The following VEPH1 variants were observed in gnomAD, a reference collection of about 807,000 sequenced individuals.
The protein encoded by VEPH1 is ventricular zone expressed PH domain containing 1.
Under a neutral mutation model 85.2 loss-of-function variants are expected in VEPH1, and 80 were observed. The ratio of observed to expected loss-of-function variants is 0.94; its 90% confidence interval spans 0.78 to 1.13. The LOEUF (loss-of-function observed/expected upper bound fraction) is 1.13. VEPH1 is among the 50% of genes most tolerant of loss of function. The pLI is 0.00. For missense variants in VEPH1, 955 were observed against 980.5 expected (o/e 0.97, Z 0.35); for synonymous variants, 297 against 348.0 (o/e 0.85, Z 1.63).
At chr3:157,457,611 A>C (rs1055775153) in intron 4 of VEPH1, among the ~76,000 whole-genome samples, 1 of 152,176 alleles carries the variant, frequency 6.6e-6, no homozygotes, top group African/African-American at 2.4e-5. Context: ...ATTTTATCAA[A>C]AGCCTTATCT....
At chr3:157,281,213 A>G (rs960228163) in intron 12 of VEPH1, among the ~76,000 whole-genome samples, 1 of 152,128 alleles carries the variant, frequency 6.6e-6, no homozygotes, top group African/African-American at 2.4e-5. Flanking sequence ...ACAGAGACAT[A>G]AAATAGGAAG....
intron 12 of VEPH1, 90 bp from the exon 13 acceptor site, chr3:157,265,752 A>C (rs1050373925): frequency 1.5e-5 from 20 of 1,370,394 alleles, no homozygotes; most frequent in African/African-American, 1.2e-4. Flanking sequence ...GTGTACCAGA[A>C]CCCAGTTAGC....
chr3:157,380,577 C>A (rs773489975), intron 7 of VEPH1, among the ~76,000 whole-genome samples: 1 of 152,186 alleles, frequency 6.6e-6, no homozygotes, highest in Non-Finnish European at 1.5e-5. Context: ...CTACTTGGTT[C>A]AAAATATCAC....
intron 12 of VEPH1, 33 bp downstream of exon 12, chr3:157,286,524 A>C (rs772541462): frequency 2.5e-6 from 4 of 1,573,740 alleles, no homozygotes; most frequent in South Asian, 1.1e-5. Context: ...TTGGGGCACA[A>C]ATGGTTCTTA....
chr3:157,431,253 C>G (rs1733126430), intron 4 of VEPH1, among the ~76,000 whole-genome samples: 1 of 152,184 alleles, frequency 6.6e-6, no homozygotes, highest in Non-Finnish European at 1.5e-5. Flanking sequence ...CTGAGGCCTC[C>G]TCAGCCACGT....
Position 157,470,428 on chromosome 3 carries a change from C to T in VEPH1, c.240G>A (p.Lys80=), listed in dbSNP as rs769721024. 9.9e-5 allele frequency: 160 copies of T among 1,614,138 alleles called. No homozygotes were observed. Among genetic ancestry groups the T allele is most frequent in the Admixed American group, 4.2e-4 (25 of 60,006 alleles). ...AGGAGTCCCAGAGCCCCACAAGGGCCTTTGCATGCTTTTCAATGGACTCGG... is the reference window on the plus strand; with the variant it reads ...AGGAGTCCCAGAGCCCCACAAGGGCTTTTGCATGCTTTTCAATGGACTCGG... ...RETESIEKHA[K]ALVGLWDSCL... Residue 80 remains lysine, a synonymous_variant, in exon 3 of 14, where the codon AAG becomes AAA. Transcript: ENST00000362010.
chr3:157,482,831 T>C (rs960683164), intron 2 of VEPH1, among the ~76,000 whole-genome samples: 2 of 152,160 alleles, frequency 1.3e-5, no homozygotes, highest in African/African-American at 4.8e-5. Flanking sequence ...TTGTTGTACA[T>C]TGAGTTTTGT....
chr3:157,411,917 T>C (rs1731562424), intron 6 of VEPH1, among the ~76,000 whole-genome samples: 1 of 152,170 alleles, frequency 6.6e-6, no homozygotes, highest in African/African-American at 2.4e-5. Flanking sequence ...CCAAATCTCA[T>C]GTTGATTTGT....
intron 12 of VEPH1, among the ~76,000 whole-genome samples, chr3:157,285,524 G>A (rs898070014): frequency 1.9e-4 from 29 of 152,194 alleles, no homozygotes; most frequent in Non-Finnish European, 8.8e-5. Context: ...CCAGGTACAG[G>A]TGGTATAATC....
chr3:157,495,361 GT>G lies in VEPH1; in HGVS notation c.-13del, dbSNP rs1246770734. On this transcript the variant is annotated 5_prime_UTR_variant, in exon 2 of 14. Coordinates refer to ENST00000362010, the MANE Select transcript of VEPH1 (RefSeq NM_001167912.2). ...AACAGTTGATGCATGGTGAGGATGA[GT>G]TTGATCAGTTGACTTTCTACAGACC... 2 of 1,613,032 alleles carry G rather than the reference GT, an allele frequency of 1.2e-6. No individual in the cohort carries two copies. The highest frequency in any genetic ancestry group is 2.7e-5 in the African/African-American group (2 of 74,866).
intron 6 of VEPH1, chr3:157,409,964 T>C: frequency 1.0e-6 from 1 of 979,340 alleles, no homozygotes; most frequent in Non-Finnish European, 1.2e-6. Context: ...TTGTATATTA[T>C]ATGCTCTGAT....
At chr3:157,485,042 G>A (rs374175277) in intron 2 of VEPH1, among the ~76,000 whole-genome samples, 55 of 152,070 alleles carry the variant, frequency 3.6e-4, no homozygotes, top group African/African-American at 1.1e-3. Flanking sequence ...TTCTTTTTTA[G>A]GTTCCATATA....
chr3:157,455,650 C>T (rs1735313904), intron 4 of VEPH1, among the ~76,000 whole-genome samples: 1 of 152,090 alleles, frequency 6.6e-6, no homozygotes, highest in Admixed American at 6.6e-5. Context: ...TAATTTAGCT[C>T]CCACTTATAA....
chr3:157,381,106 C>A, intron 7 of VEPH1, 50 bp downstream of exon 7: 1 of 1,588,398 alleles, frequency 6.3e-7, no homozygotes, highest in South Asian at 1.1e-5. Flanking sequence ...TGCATTCTAC[C>A]CCCACAGGTG....
chr3:157,279,846 T>C (rs191450138), intron 12 of VEPH1, among the ~76,000 whole-genome samples: 9 of 152,132 alleles, frequency 5.9e-5, no homozygotes, highest in Admixed American at 3.3e-4. Context: ...TGAAACCCTG[T>C]ATCTACTAAA....
chr3:157,333,649 T>C (rs1722695648), intron 9 of VEPH1, among the ~76,000 whole-genome samples: 2 of 152,212 alleles, frequency 1.3e-5, no homozygotes, highest in Admixed American at 6.5e-5. Context: ...AAATAAACAC[T>C]TGGCTCTTCC....
intron 9 of VEPH1, among the ~76,000 whole-genome samples, chr3:157,357,527 C>T (rs2108746994): frequency 6.6e-6 from 1 of 150,772 alleles, no homozygotes; most frequent in East Asian, 1.9e-4. Context: ...GAGTCTTGCT[C>T]TGTTGCCCAG....
At chr3:157,377,132 T>C (rs1252129386) in intron 7 of VEPH1, among the ~76,000 whole-genome samples, 2 of 152,114 alleles carry the variant, frequency 1.3e-5, no homozygotes, top group African/African-American at 2.4e-5. Flanking sequence ...TCCCACTGAA[T>C]AATTACAATC....
At position 157,336,451 on chromosome 3, in the gene VEPH1, A is replaced by G. The variant is rs1318489549; in HGVS notation, c.1736-19250T>C. ...TATATGGCACCTCTCTTGGACCACA[A>G]TGGTATTACCTGGGCACTGCTTACC... On this transcript the variant is annotated intron_variant, in intron 9 of 13. Coordinates refer to ENST00000362010, the MANE Select transcript of VEPH1 (RefSeq NM_001167912.2). Among the ~76,000 whole-genome samples the G allele has an allele frequency of 2.6e-5, 4 of 152,186 alleles. No individual in the cohort carries two copies. In the East Asian group the frequency reaches 5.8e-4, roughly 22 times the overall value.
Sources: gnomAD v4.1 joint callset for allele counts (sites outside exome capture counted in the v4.1 genomes callset) on GRCh38, gnomAD v4.1.1 for gene constraint, MANE v1.5 for transcripts, NCBI Gene and HGNC (gene_info 2026-07-23, HGNC 2026-07-21) for gene names.